The following EYS variants were observed in gnomAD, a reference collection of about 807,000 sequenced individuals.
EYS encodes EGF-like photoreceptor maintenance factor, also known as protein eyes shut homolog.
EYS carries 250 observed loss-of-function variants against 282.1 expected under a neutral mutation model. The ratio of observed to expected loss-of-function variants is 0.89; its 90% CI spans 0.80 to 0.98. The LOEUF is 0.98. EYS is among the 50% of genes least tolerant of loss of function. The pLI is 0.00. For missense variants in EYS, 4,016 were observed against 3,709.0 expected (o/e 1.08, Z -2.15); for synonymous variants, 1,355 against 1,282.9 (o/e 1.06, Z -1.20).
intron 33 of EYS, among the ~76,000 whole-genome samples, chr6:64,049,925 T>A (rs996853802): frequency 4.6e-5 from 7 of 152,000 alleles, no homozygotes; most frequent in Non-Finnish European, 8.8e-5. Context: ...GAAATTCAAC[T>A]CCTTACAGAG....
At chr6:64,186,254 C>CAT (rs1764943032) in intron 31 of EYS, among the ~76,000 whole-genome samples, 1 of 132,580 alleles carries the variant, frequency 7.5e-6, no homozygotes, top group South Asian at 2.4e-4. Context: ...GTTTTACACA[C>CAT]ACACACACAC....
At chr6:64,550,526 G>C (rs1446895554) in intron 26 of EYS, among the ~76,000 whole-genome samples, 1 of 152,112 alleles carries the variant, frequency 6.6e-6, no homozygotes, top group Non-Finnish European at 1.5e-5. Context: ...AGCAAAAACT[G>C]GAAGCATTCC....
rs74738271 is a variant in EYS, at chr6:64,739,262, T to C, written c.3443+74116A>G. Among the ~76,000 whole-genome samples the C allele has an allele frequency of 5.8e-4, 89 of 152,292 alleles. No individual in the cohort carries two copies. The East Asian group carries it at 0.012, about 20-fold the overall frequency. On this transcript the variant is annotated intron_variant, in intron 22 of 42. Coordinates refer to ENST00000503581, the MANE Select transcript of EYS (RefSeq NM_001142800.2). ...GAAAACTAAAACTATTCACTCACAT[T>C]AAGAAATTAAAACCATGCTGTGATG... is the stretch of plus-strand genomic sequence containing the variant.
At chr6:65,095,404 G>T (rs1774710803) in intron 12 of EYS, among the ~76,000 whole-genome samples, 1 of 150,394 alleles carries the variant, frequency 6.6e-6, no homozygotes, top group South Asian at 2.1e-4. Context: ...TAATTTAAAT[G>T]TTGAAAGTTG....
intron 31 of EYS, among the ~76,000 whole-genome samples, chr6:64,110,006 C>T (rs1042055097): frequency 6.6e-6 from 1 of 152,072 alleles, no homozygotes; most frequent in Admixed American, 6.6e-5. Context: ...TTAGAAATCA[C>T]AGCTAGAGAT....
At chr6:64,615,401 T>C (rs1767241428) in intron 24 of EYS, among the ~76,000 whole-genome samples, 1 of 152,130 alleles carries the variant, frequency 6.6e-6, no homozygotes, top group African/African-American at 2.4e-5. Context: ...CCTGTATCCA[T>C]TTCAATATTT....
intron 41 of EYS, among the ~76,000 whole-genome samples, chr6:63,741,176 G>T (rs1769066467): frequency 6.6e-6 from 1 of 152,098 alleles, no homozygotes. Context: ...AATAATTCAA[G>T]TTACTTCTAA....
chr6:65,694,224 C>A (rs1358242236), intron 1 of EYS, among the ~76,000 whole-genome samples: 4 of 149,802 alleles, frequency 2.7e-5, no homozygotes, highest in Non-Finnish European at 5.9e-5. Flanking sequence ...TGCCATTGCA[C>A]TCCAGGCTGG....
chr6:64,320,239 T>A (rs981306105), intron 29 of EYS, among the ~76,000 whole-genome samples: 2 of 152,002 alleles, frequency 1.3e-5, no homozygotes, highest in African/African-American at 4.8e-5. Flanking sequence ...TCTTCAAATC[T>A]GGACAATTTT....
intron 33 of EYS, among the ~76,000 whole-genome samples, chr6:64,040,794 T>C (rs1490646642): frequency 6.6e-6 from 1 of 152,192 alleles, no homozygotes; most frequent in East Asian, 1.9e-4. Flanking sequence ...AAATATTCAT[T>C]ATCTGGCTCT....
intron 31 of EYS, among the ~76,000 whole-genome samples, chr6:64,172,796 A>G (rs1269357574): frequency 6.6e-6 from 1 of 152,166 alleles, no homozygotes; most frequent in East Asian, 1.9e-4. Flanking sequence ...TTAGATTCTC[A>G]TAGGAGCAGG....
chr6:64,987,602 T>C (rs1433251953), intron 14 of EYS, among the ~76,000 whole-genome samples: 2 of 151,460 alleles, frequency 1.3e-5, no homozygotes, highest in Non-Finnish European at 1.5e-5. Flanking sequence ...ACAGCATATG[T>C]AGGACAGAAA....
chr6:65,699,119 T>C (rs545913179), intron 1 of EYS, among the ~76,000 whole-genome samples: 2 of 152,346 alleles, frequency 1.3e-5, no homozygotes, highest in East Asian at 1.9e-4. Flanking sequence ...CACTTGATTC[T>C]TGCCAAGTGA....
intron 13 of EYS, among the ~76,000 whole-genome samples, chr6:64,999,037 A>T (rs1036365660): frequency 6.6e-6 from 1 of 152,176 alleles, no homozygotes; most frequent in Non-Finnish European, 1.5e-5. Context: ...AAGTGTCTGG[A>T]AACAGATTGT....
intron 22 of EYS, among the ~76,000 whole-genome samples, chr6:64,735,287 G>C (rs1415523065): frequency 6.6e-6 from 1 of 152,114 alleles, no homozygotes; most frequent in African/African-American, 2.4e-5. Context: ...GTTTCACCGT[G>C]TTAGCCAGGA....
At chr6:65,295,403 T>C (rs1247272812) in intron 12 of EYS, among the ~76,000 whole-genome samples, 2 of 152,000 alleles carry the variant, frequency 1.3e-5, no homozygotes, top group African/African-American at 4.8e-5. Flanking sequence ...GACTTCACTT[T>C]TTCTTAAATG....
intron 12 of EYS, among the ~76,000 whole-genome samples, chr6:65,179,635 G>T (rs1422204784): frequency 6.6e-6 from 1 of 152,110 alleles, no homozygotes. Context: ...GTACAAGGAG[G>T]AGCTGTTACC....
chr6:65,141,892 T>A (rs1051235961), intron 12 of EYS, among the ~76,000 whole-genome samples: 2 of 151,948 alleles, frequency 1.3e-5, no homozygotes, highest in Non-Finnish European at 2.9e-5. Context: ...ACACTGAGAA[T>A]TTGTTATAAG....
intron 41 of EYS, among the ~76,000 whole-genome samples, chr6:63,745,771 A>G (rs550701592): frequency 1.3e-5 from 2 of 152,334 alleles, no homozygotes; most frequent in East Asian, 1.9e-4. Context: ...TCCCAAATAC[A>G]TATGTTGAAG....
Sources: allele counts gnomAD v4.1 joint callset (sites outside exome capture counted in the v4.1 genomes callset), GRCh38; gene constraint gnomAD v4.1.1; transcripts MANE v1.5; gene names NCBI Gene and HGNC (gene_info 2026-07-23, HGNC 2026-07-21).